Variants in C2orf76 observed in about 807,000 individuals in gnomAD.
C2orf76 encodes chromosome 2 open reading frame 76.
Under a neutral mutation model 16.9 loss-of-function variants are expected in C2orf76, and 23 were observed. That is an observed-to-expected ratio of 1.36 (90% confidence interval 0.98 to 1.93). The LOEUF (loss-of-function observed/expected upper bound fraction) is 1.93, where lower values mean the gene tolerates loss of function less well. C2orf76 is among the 30% of genes most tolerant of loss of function. C2orf76 has a pLI of 0.00. For missense variants in C2orf76, 152 were observed against 152.6 expected (o/e 1.00, Z 0.02); for synonymous variants, 48 against 52.3 (o/e 0.92, Z 0.35).
chr2:119,311,482 C>G, intron 5 of C2orf76, 140 bp downstream of exon 5: 2 of 1,435,592 alleles, frequency 1.4e-6, no homozygotes, highest in Non-Finnish European at 1.8e-6. Flanking sequence ...TCATCCTCCT[C>G]CTCTGAACAG....
chr2:119,285,714 AT>A, the C2orf76 span, among the ~76,000 whole-genome samples: 1 of 152,328 alleles, frequency 6.6e-6, no homozygotes, highest in South Asian at 2.1e-4. Context: ...CCTGGATATT[AT>A]TGCTGGTATC....
intron 2 of C2orf76, among the ~76,000 whole-genome samples, chr2:119,338,399 A>C (rs528028563): frequency 6.6e-6 from 1 of 152,244 alleles, no homozygotes; most frequent in Non-Finnish European, 1.5e-5. Context: ...AGCTTTACTA[A>C]CTAGCCTTAG....
chr2:119,335,028 G>A (rs1006461747), intron 2 of C2orf76, among the ~76,000 whole-genome samples: 1 of 152,134 alleles, frequency 6.6e-6, no homozygotes, highest in African/African-American at 2.4e-5. Context: ...TGTTGGTATG[G>A]GAATTAACAG....
downstream of C2orf76, among the ~76,000 whole-genome samples, chr2:119,300,930 G>A (rs74582474): frequency 0.017 from 2,588 of 152,202 alleles, 69 homozygotes; most frequent in African/African-American, 0.058. Flanking sequence ...TAAAATTTGC[G>A]CTTTCTCCTG....
chr2:119,290,594 C>T, the C2orf76 span, among the ~76,000 whole-genome samples: 2 of 152,116 alleles, frequency 1.3e-5, no homozygotes, highest in Middle Eastern at 3.4e-3. Flanking sequence ...CTTTGGGAGG[C>T]GAAGGCGGGT....
intron 1 of C2orf76, among the ~76,000 whole-genome samples, chr2:119,360,498 AAAG>A (rs1448215075): frequency 2.6e-5 from 4 of 151,824 alleles, no homozygotes; most frequent in Non-Finnish European, 5.9e-5. Flanking sequence ...AAAAAAAAAA[AAAG>A]ATATATACAC....
chr2:119,323,984 C>T lies in C2orf76; in HGVS notation c.134-2780G>A, dbSNP rs1412750332. On this transcript the variant is annotated intron_variant, in intron 2 of 5. Coordinates refer to ENST00000334816, the MANE Select transcript of C2orf76 (RefSeq NM_001322331.2). ...TTTGAAACCTCTGGCTTAGGCTTAC[C>T]AGAGCATATGTACTTCATTTTATTC... is the stretch of plus-strand genomic sequence containing the variant. Among the ~76,000 whole-genome samples the T allele has an allele frequency of 1.3e-5, 2 of 152,186 alleles. 1 individual carries two copies. Among genetic ancestry groups the T allele is most frequent in the East Asian group, 3.8e-4 (2 of 5,202 alleles).
chr2:119,315,496 A>G (rs894547465), intron 4 of C2orf76, among the ~76,000 whole-genome samples: 1 of 151,744 alleles, frequency 6.6e-6, no homozygotes, highest in South Asian at 2.1e-4. Flanking sequence ...AAATGAAAGG[A>G]CAACAATAAC....
the C2orf76 span, among the ~76,000 whole-genome samples, chr2:119,286,464 C>T: frequency 2.6e-5 from 4 of 151,992 alleles, no homozygotes; most frequent in African/African-American, 4.8e-5. Flanking sequence ...AAAGTGGCAG[C>T]ATGGTGTGCC....
At chr2:119,346,874 C>T (rs957558037) in intron 1 of C2orf76, among the ~76,000 whole-genome samples, 3 of 152,130 alleles carry the variant, frequency 2.0e-5, no homozygotes, top group Non-Finnish European at 4.4e-5. Context: ...AATTTCCCGG[C>T]TGTAAAATTG....
intron 1 of C2orf76, 59 bp downstream of exon 1, chr2:119,366,731 C>A (rs2104671257): frequency 1.9e-6 from 1 of 520,122 alleles, no homozygotes; most frequent in Non-Finnish European, 3.5e-6. Flanking sequence ...CAGGACTGAA[C>A]CCAACTCTCG....
In C2orf76 at chr2:119,303,005, T is replaced by C. The variant is rs1426288506; in HGVS notation, c.305-457A>G. On this transcript the variant is annotated intron_variant, in intron 5 of 5. Transcript: ENST00000334816. ...AATAATTTAATACTTAGAGGATCAGTAGAATATTTTACAGATCACTTTACA... is the reference window on the plus strand; with the variant it reads ...AATAATTTAATACTTAGAGGATCAGCAGAATATTTTACAGATCACTTTACA... Among the ~76,000 whole-genome samples the C allele has an allele frequency of 7.2e-5, 11 of 152,242 alleles. No individual in the cohort carries two copies. The East Asian group carries it at 2.1e-3, about 29-fold the overall frequency.
chr2:119,286,614 C>T, the C2orf76 span, among the ~76,000 whole-genome samples: 2 of 152,142 alleles, frequency 1.3e-5, no homozygotes, highest in Non-Finnish European at 1.5e-5. Flanking sequence ...AGAGTGTGCT[C>T]GTGATTCGGA....
intron 4 of C2orf76, among the ~76,000 whole-genome samples, chr2:119,314,966 G>T (rs1338663677): frequency 6.6e-6 from 1 of 152,100 alleles, no homozygotes; most frequent in Admixed American, 6.6e-5. Context: ...AAAATTAATC[G>T]CAGAGTTTAG....
the C2orf76 span, among the ~76,000 whole-genome samples, chr2:119,291,567 A>C: frequency 4.0e-5 from 6 of 151,890 alleles, no homozygotes; most frequent in Non-Finnish European, 7.4e-5. Flanking sequence ...ACCTCGGGAA[A>C]TGAAATGGGA....
intron 2 of C2orf76, among the ~76,000 whole-genome samples, chr2:119,331,071 T>C (rs1679663809): frequency 6.6e-6 from 1 of 152,186 alleles, no homozygotes; most frequent in African/African-American, 2.4e-5. Flanking sequence ...TTTTGCTTCT[T>C]TGCATGCCTG....
At chr2:119,299,589 GGCT>G (rs1678586010), downstream of C2orf76, among the ~76,000 whole-genome samples, 1 of 152,134 alleles carries the variant, frequency 6.6e-6, no homozygotes. Flanking sequence ...TCCCTCTGCA[GGCT>G]CTAGGGAACA....
At chr2:119,333,181 C>T (rs892512867) in intron 2 of C2orf76, among the ~76,000 whole-genome samples, 2 of 152,206 alleles carry the variant, frequency 1.3e-5, no homozygotes, top group Admixed American at 6.5e-5. Context: ...TACATTATGA[C>T]TGTGCTGCAG....
the C2orf76 span, among the ~76,000 whole-genome samples, chr2:119,289,537 T>C: frequency 6.6e-6 from 1 of 151,800 alleles, no homozygotes; most frequent in Non-Finnish European, 1.5e-5. Flanking sequence ...AATACAAAAA[T>C]TAGCTGGGCG....
Sources: gnomAD v4.1 joint callset for allele counts (sites outside exome capture counted in the v4.1 genomes callset) on GRCh38, gnomAD v4.1.1 for gene constraint, MANE v1.5 for transcripts, NCBI Gene and HGNC (gene_info 2026-07-23, HGNC 2026-07-21) for gene names.